The following ZNF608 variants were observed in gnomAD, a reference collection of about 807,000 sequenced individuals.
ZNF608 encodes the protein zinc finger protein 608.
In ZNF608, 12 loss-of-function variants were observed where a neutral mutation model predicts 109.0. The ratio of observed to expected loss-of-function variants is 0.11; its 90% CI spans 0.07 to 0.18. ZNF608 has a LOEUF of 0.18. ZNF608 is among the 10% of genes least tolerant of loss of function. The pLI, the probability that ZNF608 is intolerant of heterozygous loss-of-function variation, is 1.00. For synonymous variants in ZNF608, 732 were observed against 717.4 expected, an observed-to-expected ratio of 1.02 and a Z score of -0.33; for missense variants, 1,707 against 1,879.3, an observed-to-expected ratio of 0.91 and a Z score of 1.70.
intron 2 of ZNF608, chr5:124,734,605 T>A (rs1749060690): frequency 6.7e-6 from 1 of 148,746 alleles, no homozygotes; most frequent in South Asian, 2.1e-4. Flanking sequence ...TGAGGGAGGG[T>A]GTGCTCCAGA....
At chr5:124,661,809 T>A (rs7714234) in intron 3 of ZNF608, among the ~76,000 whole-genome samples, 1 of 152,172 alleles carries the variant, frequency 6.6e-6, no homozygotes, top group East Asian at 1.9e-4. Context: ...CCAGCTAACC[T>A]TTCTCTGCAA....
At chr5:124,728,299 A>C (rs1748712896) in intron 2 of ZNF608, among the ~76,000 whole-genome samples, 1 of 152,200 alleles carries the variant, frequency 6.6e-6, no homozygotes, top group Non-Finnish European at 1.5e-5. Context: ...AGCTCTTGAT[A>C]AATGGAGAAA....
chr5:124,716,709 T>C (rs184700734), intron 2 of ZNF608, among the ~76,000 whole-genome samples: 235 of 152,352 alleles, frequency 1.5e-3, no homozygotes, highest in Admixed American at 2.6e-3. Flanking sequence ...AGAGCTCTAA[T>C]AACTCTTTAA....
intron 2 of ZNF608, among the ~76,000 whole-genome samples, chr5:124,706,367 T>C (rs2149858144): frequency 6.6e-6 from 1 of 152,334 alleles, no homozygotes; most frequent in Middle Eastern, 3.4e-3. Context: ...GCTATTGCTA[T>C]TGTCAATATT....
chr5:124,690,924 A>AACAC (rs35022360), intron 3 of ZNF608, among the ~76,000 whole-genome samples: 19,117 of 86,838 alleles, frequency 0.22, 1,308 homozygotes, highest in Admixed American at 0.26. Context: ...GCAACAGAAA[A>AACAC]ACACACACAC....
chr5:124,685,596 C>G (rs34910444), intron 3 of ZNF608, among the ~76,000 whole-genome samples: 21,921 of 149,754 alleles, frequency 0.15, 1,623 homozygotes, highest in East Asian at 0.2. Flanking sequence ...CAGGCGTAGT[C>G]AGGGTAGAGT....
In ZNF608 at chr5:124,744,939, A is replaced by G; in HGVS notation, c.51T>C (p.Val17=). 1 of 1,614,046 alleles carries G rather than the reference A, an allele frequency of 6.2e-7. No individual in the cohort carries two copies. Among genetic ancestry groups the G allele is most frequent in the Non-Finnish European group, 8.5e-7 (1 of 1,179,962 alleles). ...TAGKGVDPNT[V]DTYDSGDDWE... ...AATCATCGCCACTGTCATAAGTATC[A>G]ACTGTATTTGGATCCACACCTTTTC... is the stretch of plus-strand genomic sequence containing the variant. Residue 17 remains valine, a synonymous_variant, in exon 2 of 10, where the codon GTT becomes GTC. Coordinates refer to ENST00000513986, the MANE Select transcript of ZNF608 (RefSeq NM_020747.3). The surrounding 1 kb of genome is among the most constrained non-coding windows in gnomAD (Gnocchi z 4.5).
rs1158525804 is a variant in ZNF608 at position 124,646,927 on chromosome 5, T to C, written c.3457A>G (p.Ile1153Val). The change falls in exon 5 of 10, where the codon ATC (isoleucine) becomes GTC (valine). Residue 1153 changes from isoleucine (I) to valine (V), a missense_variant. Around this residue, in one of 7 missense-constraint regions of ZNF608, gnomAD observed 1,073 missense variants for 1,133.5 expected, o/e 0.95. Transcript: ENST00000513986. ...TCCGGAGTAGAGGGAGCTTTTGAGA[T>C]TGTGGCCGATGGCATATTTTTCTGT... ...TKQKNMPSAT[I>V]SKAPSTPEPN... 9 of 1,613,970 alleles carry C rather than the reference T, an allele frequency of 5.6e-6. No homozygotes were observed. The South Asian group carries it at 8.8e-5, about 16-fold the overall frequency.
intron 2 of ZNF608, among the ~76,000 whole-genome samples, chr5:124,736,546 C>A (rs1280610679): frequency 3.9e-5 from 6 of 151,946 alleles, no homozygotes; most frequent in African/African-American, 1.5e-4. Flanking sequence ...TACTTTTATG[C>A]CAGCTGAATC....
At chr5:124,638,943 C>A in intron 9 of ZNF608, 190 bp downstream of exon 9, 1 of 801,322 alleles carries the variant, frequency 1.2e-6, no homozygotes, top group Non-Finnish European at 1.9e-6. Context: ...TCTATGTAAC[C>A]CTTACAGAAT....
chr5:124,670,011 C>T (rs576270454), intron 3 of ZNF608, among the ~76,000 whole-genome samples: 1 of 152,208 alleles, frequency 6.6e-6, no homozygotes, highest in South Asian at 2.1e-4. Flanking sequence ...TTGACTATTC[C>T]TTTAGAAGTC....
chr5:124,668,232 T>C (rs1751569524), intron 3 of ZNF608, among the ~76,000 whole-genome samples: 1 of 145,930 alleles, frequency 6.9e-6, no homozygotes, highest in Admixed American at 6.9e-5. Context: ...TATATATATA[T>C]TTTATATATA....
chr5:124,643,430 A>T, intron 7 of ZNF608, 81 bp downstream of exon 7: 1 of 1,393,606 alleles, frequency 7.2e-7, no homozygotes, highest in Non-Finnish European at 9.9e-7. Flanking sequence ...GAAACCATTT[A>T]TATTTCAAGA....
intron 2 of ZNF608, among the ~76,000 whole-genome samples, chr5:124,720,273 T>C (rs1753853222): frequency 6.6e-6 from 1 of 152,244 alleles, no homozygotes; most frequent in Non-Finnish European, 1.5e-5. Flanking sequence ...TGATACTGTA[T>C]TAGAAGCTCA....
At chr5:124,685,532 G>T (rs1339056007) in intron 3 of ZNF608, among the ~76,000 whole-genome samples, 1 of 151,646 alleles carries the variant, frequency 6.6e-6, no homozygotes, top group Non-Finnish European at 1.5e-5. Context: ...CCCACTGGTA[G>T]AGTATCTGCA....
intron 2 of ZNF608, chr5:124,710,361 T>C: frequency 2.7e-6 from 1 of 375,568 alleles, no homozygotes; most frequent in South Asian, 2.0e-5. Context: ...ACTAAAATTT[T>C]ACACATTTGA....
intron 3 of ZNF608, among the ~76,000 whole-genome samples, chr5:124,667,521 T>C (rs1245243746): frequency 6.6e-6 from 1 of 152,152 alleles, no homozygotes; most frequent in Non-Finnish European, 1.5e-5. Context: ...TGTAAGAAGA[T>C]CTACAAGTAG....
chr5:124,696,045 G>T (rs764226926), intron 3 of ZNF608, among the ~76,000 whole-genome samples: 1 of 152,068 alleles, frequency 6.6e-6, no homozygotes, highest in Non-Finnish European at 1.5e-5. Flanking sequence ...TTATCGAGGT[G>T]TGGTGGCGCA....
chr5:124,719,329 C>G (rs1753820563), intron 2 of ZNF608, among the ~76,000 whole-genome samples: 1 of 152,204 alleles, frequency 6.6e-6, no homozygotes, highest in Admixed American at 6.5e-5. Context: ...CAGACTAAAC[C>G]AAACAGCTGG....
Sources: allele counts gnomAD v4.1 joint callset (sites outside exome capture counted in the v4.1 genomes callset), GRCh38; gene constraint gnomAD v4.1.1; regional missense constraint gnomAD v4.1.1; non-coding constraint Gnocchi (gnomAD v3.1); transcripts MANE v1.5; gene names NCBI Gene and HGNC (gene_info 2026-07-23, HGNC 2026-07-21).